Variants in CCDC91 observed in about 807,000 individuals in gnomAD.
CCDC91 encodes coiled-coil domain-containing protein 91.
Under a neutral mutation model 63.2 loss-of-function variants are expected in CCDC91, and 48 were observed. The observed-to-expected ratio is 0.76, with a 90% CI of 0.60 to 0.97. The LOEUF is 0.97. Among genes scored for constraint, CCDC91 ranks in the 50% least tolerant of loss-of-function variants. CCDC91 has a pLI of 0.00. For synonymous variants in CCDC91, 167 were observed against 165.8 expected (o/e 1.01, Z -0.06); for missense variants, 500 against 494.6 (o/e 1.01, Z -0.10).
chr12:28,269,067 T>C (rs1167011813), intron 3 of CCDC91, among the ~76,000 whole-genome samples: 8 of 152,164 alleles, frequency 5.3e-5, no homozygotes, highest in African/African-American at 1.7e-4. Context: ...AGATATGCCC[T>C]ATGCACATTT....
chr12:28,274,878 GT>G, intron 3 of CCDC91, among the ~76,000 whole-genome samples: 1 of 152,152 alleles, frequency 6.6e-6, no homozygotes, highest in Non-Finnish European at 1.5e-5. Flanking sequence ...CCAACACTAT[GT>G]TGAATAGGAG....
At chr12:28,338,948 C>G (rs1942214881) in intron 6 of CCDC91, among the ~76,000 whole-genome samples, 1 of 152,242 alleles carries the variant, frequency 6.6e-6, no homozygotes, top group South Asian at 2.1e-4. Context: ...TCAAGCAATT[C>G]TCCTGCCTCA....
At chr12:28,489,532 A>C (rs1390745089) in intron 12 of CCDC91, among the ~76,000 whole-genome samples, 1 of 151,944 alleles carries the variant, frequency 6.6e-6, no homozygotes, top group African/African-American at 2.4e-5. Flanking sequence ...CTCACAGCCA[A>C]GCAGTGATTC....
At chr12:28,361,247 T>G (rs1034021796) in intron 6 of CCDC91, among the ~76,000 whole-genome samples, 1 of 151,930 alleles carries the variant, frequency 6.6e-6, no homozygotes, top group Admixed American at 6.6e-5. Context: ...TAGTTACATA[T>G]GTATACATGT....
At chr12:28,536,713 A>G (rs922882665) in intron 12 of CCDC91, among the ~76,000 whole-genome samples, 1 of 152,182 alleles carries the variant, frequency 6.6e-6, no homozygotes, top group Non-Finnish European at 1.5e-5. Flanking sequence ...GTTTACTTTC[A>G]GCATTAACTT....
chr12:28,298,449 C>T (rs1184238541), intron 3 of CCDC91, among the ~76,000 whole-genome samples: 4 of 150,300 alleles, frequency 2.7e-5, no homozygotes, highest in African/African-American at 9.8e-5. Flanking sequence ...CCTATTAACT[C>T]AGAGCATGCT....
At chr12:28,298,686 AC>A (rs1937685788) in intron 3 of CCDC91, among the ~76,000 whole-genome samples, 1 of 150,636 alleles carries the variant, frequency 6.6e-6, no homozygotes, top group African/African-American at 2.4e-5. Context: ...CCCTAGAGGA[AC>A]CACTGTCCTC....
At chr12:28,511,487 A>G (rs1348997938) in intron 12 of CCDC91, among the ~76,000 whole-genome samples, 1 of 151,630 alleles carries the variant, frequency 6.6e-6, no homozygotes, top group African/African-American at 2.4e-5. Flanking sequence ...TAATTATCCT[A>G]TTTACTATTT....
At chr12:28,328,080 C>T (rs1360410708) in intron 6 of CCDC91, among the ~76,000 whole-genome samples, 1 of 152,102 alleles carries the variant, frequency 6.6e-6, no homozygotes, top group Non-Finnish European at 1.5e-5. Flanking sequence ...CTTTGCCTTT[C>T]AGGGCATCAC....
intron 6 of CCDC91, among the ~76,000 whole-genome samples, chr12:28,344,422 A>C (rs1942661336): frequency 6.6e-6 from 1 of 152,126 alleles, no homozygotes; most frequent in African/African-American, 2.4e-5. Flanking sequence ...CCCTGTAGCA[A>C]TGGGCCTTCT....
chr12:28,405,228 C>G (rs1157175198), intron 8 of CCDC91, among the ~76,000 whole-genome samples: 1 of 152,034 alleles, frequency 6.6e-6, no homozygotes, highest in African/African-American at 2.4e-5. Context: ...TATACATTTA[C>G]TAGTAACCCA....
At chr12:28,336,860 A>G (rs943957835) in intron 6 of CCDC91, among the ~76,000 whole-genome samples, 2 of 152,162 alleles carry the variant, frequency 1.3e-5, no homozygotes, top group African/African-American at 4.8e-5. Context: ...TATTTTTTAA[A>G]CTAAAATTTG....
Position 28,223,225 on chromosome 12 carries a change from C to T in CCDC91, c.-15+32584C>T, listed in dbSNP as rs555371836. 1.1e-3 allele frequency among the ~76,000 whole-genome samples: 168 copies of T among 152,168 alleles called. 2 individuals carry two copies. The highest frequency in any genetic ancestry group is 2.0e-3 in the Non-Finnish European group (133 of 68,006). ...TGGGTTTTATGGTGTTCTTATCTCTCGTAGGGACAATATAAGCCATGGTTA... is the reference window on the plus strand; with the variant it reads ...TGGGTTTTATGGTGTTCTTATCTCTTGTAGGGACAATATAAGCCATGGTTA... On this transcript the variant is annotated intron_variant, in intron 1 of 12. Transcript: ENST00000536442.
intron 12 of CCDC91, among the ~76,000 whole-genome samples, chr12:28,531,602 G>A (rs1475465115): frequency 1.3e-5 from 2 of 152,038 alleles, no homozygotes; most frequent in Admixed American, 6.6e-5. Flanking sequence ...TCTTGTAATT[G>A]TTTTCTGTCA....
At chr12:28,398,718 G>A (rs1447901301) in intron 8 of CCDC91, among the ~76,000 whole-genome samples, 1 of 152,144 alleles carries the variant, frequency 6.6e-6, no homozygotes, top group Non-Finnish European at 1.5e-5. Flanking sequence ...GGGGAATGGG[G>A]TGTGGTATTT....
At chr12:28,379,997 A>G (rs560562790) in intron 7 of CCDC91, among the ~76,000 whole-genome samples, 32 of 152,128 alleles carry the variant, frequency 2.1e-4, no homozygotes, top group African/African-American at 6.3e-4. Context: ...ATGCAGCCAT[A>G]AAAAAGGATG....
At chr12:28,297,410 A>G (rs1462613183) in intron 3 of CCDC91, among the ~76,000 whole-genome samples, 6 of 151,914 alleles carry the variant, frequency 3.9e-5, no homozygotes, top group African/African-American at 1.2e-4. Flanking sequence ...TGATATGTCC[A>G]AGTGACTTGC....
intron 1 of CCDC91, among the ~76,000 whole-genome samples, chr12:28,228,692 C>G (rs1190568207): frequency 6.6e-6 from 1 of 152,056 alleles, no homozygotes; most frequent in African/African-American, 2.4e-5. Context: ...TCTCTGCATT[C>G]AGCATTTTCA....
intron 3 of CCDC91, among the ~76,000 whole-genome samples, chr12:28,293,519 G>T (rs1170103082): frequency 6.6e-6 from 1 of 151,934 alleles, no homozygotes; most frequent in Non-Finnish European, 1.5e-5. Context: ...TCTTTTAATT[G>T]GCATTGTTAA....
Sources: allele counts gnomAD v4.1 joint callset (sites outside exome capture counted in the v4.1 genomes callset), GRCh38; gene constraint gnomAD v4.1.1; transcripts MANE v1.5; gene names NCBI Gene and HGNC (gene_info 2026-07-23, HGNC 2026-07-21).